The following KCTD16 variants were observed in gnomAD, a reference collection of about 807,000 sequenced individuals.
KCTD16 encodes the protein potassium channel tetramerization domain containing 16, also known as BTB/POZ domain-containing protein KCTD16.
KCTD16 carries 13 observed loss-of-function variants against 33.2 expected under a neutral mutation model. The ratio of observed to expected loss-of-function variants is 0.39; its 90% CI spans 0.25 to 0.62. The LOEUF (loss-of-function observed/expected upper bound fraction) is 0.62, where lower values mean the gene tolerates loss of function less well. Ranked by LOEUF, KCTD16 falls within the 20% of genes least tolerant of loss-of-function variation. The probability of loss-of-function intolerance (pLI) is 0.50; values close to 1 mark genes in which losing one functional copy is unlikely to be tolerated. For synonymous variants in KCTD16, 197 were observed against 195.3 expected, an observed-to-expected ratio of 1.01 and a Z score of -0.07; for missense variants, 441 against 525.1, an observed-to-expected ratio of 0.84 and a Z score of 1.57.
intron 3 of KCTD16, among the ~76,000 whole-genome samples, chr5:144,261,186 A>AAAAAAAAAAAAG: frequency 1.4e-5 from 2 of 142,380 alleles, no homozygotes; most frequent in South Asian, 2.2e-4. Context: ...AAAAAAAAAG[A>AAAAAAAAAAAAG]AAAAAAAAAA....
At chr5:144,173,437 A>C (rs894989080) in intron 1 of KCTD16, among the ~76,000 whole-genome samples, 1 of 152,196 alleles carries the variant, frequency 6.6e-6, no homozygotes, top group Admixed American at 6.5e-5. Flanking sequence ...TAATGAGAAC[A>C]CATGGACACA....
In KCTD16 at chr5:144,474,270, C is replaced by A; in HGVS notation, c.*156C>A. On this transcript the variant is annotated 3_prime_UTR_variant, in exon 4 of 4. Coordinates refer to ENST00000512467, the MANE Select transcript of KCTD16 (RefSeq NM_020768.4). Reference sequence around the variant, plus strand: ...ATACTACTGCCTACTTTACCTAGTTCACCTTAACATGTAAATCCACAGGGT... The same window carrying A: ...ATACTACTGCCTACTTTACCTAGTTAACCTTAACATGTAAATCCACAGGGT... 1 of 609,364 alleles carries A rather than the reference C, an allele frequency of 1.6e-6. No individual in the cohort carries two copies. The highest frequency in any genetic ancestry group is 2.8e-6 in the Non-Finnish European group (1 of 352,422). 37.7% of individuals were successfully genotyped at this position (609,364 alleles called of 1,614,324 possible).
intron 3 of KCTD16, among the ~76,000 whole-genome samples, chr5:144,415,118 C>G (rs750511990): frequency 6.6e-6 from 1 of 152,146 alleles, no homozygotes; most frequent in Non-Finnish European, 1.5e-5. Flanking sequence ...CTGTGCCCTA[C>G]TATGCAGCAA....
intron 3 of KCTD16, among the ~76,000 whole-genome samples, chr5:144,221,580 C>T (rs1316653720): frequency 6.6e-6 from 1 of 152,176 alleles, no homozygotes; most frequent in East Asian, 1.9e-4. Flanking sequence ...ATCCGTGTCC[C>T]TGCAAAGGAC....
chr5:144,473,633 C>T, intron 3 of KCTD16, 27 bp from the exon 4 acceptor site: 1 of 1,565,582 alleles, frequency 6.4e-7, no homozygotes, highest in Non-Finnish European at 8.7e-7. Flanking sequence ...TGGCATTAAT[C>T]CTTTGGGTCC....
intron 3 of KCTD16, among the ~76,000 whole-genome samples, chr5:144,379,027 G>T (rs1752154351): frequency 6.6e-6 from 1 of 152,158 alleles, no homozygotes; most frequent in African/African-American, 2.4e-5. Flanking sequence ...TGGAGAAAGG[G>T]ATGCATCCTG....
chr5:144,183,742 A>G (rs994547248), intron 2 of KCTD16, among the ~76,000 whole-genome samples: 18 of 152,360 alleles, frequency 1.2e-4, no homozygotes, highest in African/African-American at 4.1e-4. Context: ...TTGATGAACA[A>G]GAATAGTGCC....
At chr5:144,217,235 ACATTTTC>A (rs1486306095) in intron 3 of KCTD16, among the ~76,000 whole-genome samples, 1 of 152,236 alleles carries the variant, frequency 6.6e-6, no homozygotes, top group Admixed American at 6.5e-5. Flanking sequence ...TCAGTTAAAG[ACATTTTC>A]CTATGGGCAT....
chr5:144,327,431 C>A lies in KCTD16; in HGVS notation c.832+119885C>A, dbSNP rs1752238798. Reference sequence around the variant, plus strand: ...GGATGGTTTTCCTGATCTTGCCTATCTCTTCCCATTAGAATTCATGAACCC... The same window carrying A: ...GGATGGTTTTCCTGATCTTGCCTATATCTTCCCATTAGAATTCATGAACCC... On this transcript the variant is annotated intron_variant, in intron 3 of 3. Coordinates refer to ENST00000512467, the MANE Select transcript of KCTD16 (RefSeq NM_020768.4). Among the ~76,000 whole-genome samples, 3 of 152,136 alleles carry A rather than the reference C, an allele frequency of 2.0e-5. No homozygotes were observed. The South Asian group carries it at 6.2e-4, about 31-fold the overall frequency.
chr5:144,285,876 C>T (rs1486664942), intron 3 of KCTD16, among the ~76,000 whole-genome samples: 3 of 150,836 alleles, frequency 2.0e-5, no homozygotes, highest in African/African-American at 7.3e-5. Flanking sequence ...CCAGACAGAA[C>T]AATTCTAAGA....
At chr5:144,247,496 C>G (rs1754582296) in intron 3 of KCTD16, among the ~76,000 whole-genome samples, 1 of 152,130 alleles carries the variant, frequency 6.6e-6, no homozygotes, top group African/African-American at 2.4e-5. Flanking sequence ...GCTGTGGCTC[C>G]AAACATGGGA....
chr5:144,359,810 A>G (rs1751663183), intron 3 of KCTD16, among the ~76,000 whole-genome samples: 1 of 152,034 alleles, frequency 6.6e-6, no homozygotes, highest in Non-Finnish European at 1.5e-5. Context: ...AGGATTCTTT[A>G]TCTAGGGGTC....
At chr5:144,426,680 G>A (rs749778623) in intron 3 of KCTD16, among the ~76,000 whole-genome samples, 7 of 152,132 alleles carry the variant, frequency 4.6e-5, no homozygotes, top group Non-Finnish European at 8.8e-5. Flanking sequence ...AAGTCCAGGA[G>A]CATGGCACCA....
chr5:144,440,117 GCAC>G (rs1753670566), intron 3 of KCTD16, among the ~76,000 whole-genome samples: 1 of 152,114 alleles, frequency 6.6e-6, no homozygotes, highest in Non-Finnish European at 1.5e-5. Flanking sequence ...CCCCTTCTGT[GCAC>G]CACATTTCAA....
intron 3 of KCTD16, among the ~76,000 whole-genome samples, chr5:144,438,968 A>T (rs1363137995): frequency 2.0e-5 from 3 of 151,996 alleles, no homozygotes; most frequent in Non-Finnish European, 2.9e-5. Context: ...TCTTTGGAAG[A>T]TTCATATATA....
In KCTD16 at chr5:144,259,951, A is replaced by G. The variant is rs377419408; in HGVS notation, c.832+52405A>G. Among the ~76,000 whole-genome samples the G allele has an allele frequency of 8.9e-4, 136 of 152,254 alleles. 2 individuals are homozygous for G. In the South Asian group the frequency reaches 0.025, roughly 29 times the overall value. ...GTCATGTCATAATGTTCAATACTCTATTGTCAAGGTGATGAATCAAAGAAT... is the reference window on the plus strand; with the variant it reads ...GTCATGTCATAATGTTCAATACTCTGTTGTCAAGGTGATGAATCAAAGAAT... On this transcript the variant is annotated intron_variant, in intron 3 of 3. Transcript: ENST00000512467.
chr5:144,337,154 T>C (rs1752511501), intron 3 of KCTD16, among the ~76,000 whole-genome samples: 1 of 152,036 alleles, frequency 6.6e-6, no homozygotes, highest in Non-Finnish European at 1.5e-5. Context: ...TTAAGGCATT[T>C]TAATTTTAAA....
At chr5:144,269,052 G>A (rs1298109692) in intron 3 of KCTD16, among the ~76,000 whole-genome samples, 3 of 152,004 alleles carry the variant, frequency 2.0e-5, no homozygotes, top group Non-Finnish European at 2.9e-5. Flanking sequence ...TAGGACCAGA[G>A]TAAGAAAAGA....
At chr5:144,351,506 T>C (rs1482991547) in intron 3 of KCTD16, among the ~76,000 whole-genome samples, 2 of 152,142 alleles carry the variant, frequency 1.3e-5, no homozygotes, top group African/African-American at 4.8e-5. Context: ...CCTTAAAGAA[T>C]TAAAAATAGA....
Sources: gnomAD v4.1 joint callset for allele counts (sites outside exome capture counted in the v4.1 genomes callset) on GRCh38, gnomAD v4.1.1 for gene constraint, MANE v1.5 for transcripts, NCBI Gene and HGNC (gene_info 2026-07-23, HGNC 2026-07-21) for gene names.